The following FLACC1 variants were observed in gnomAD, a reference collection of about 807,000 sequenced individuals.
The protein encoded by FLACC1 is flagellum-associated coiled-coil domain-containing protein 1.
Under a neutral mutation model 62.8 loss-of-function variants are expected in FLACC1, and 66 were observed. The observed-to-expected ratio is 1.05, with a 90% CI of 0.86 to 1.29. The LOEUF is 1.29. Among genes scored for constraint, FLACC1 ranks in the 50% most tolerant of loss-of-function variants. The probability of loss-of-function intolerance (pLI) is 0.00; values close to 1 mark genes in which losing one functional copy is unlikely to be tolerated. For missense variants in FLACC1, 452 were observed against 489.1 expected (o/e 0.92, Z 0.71); for synonymous variants, 156 against 161.0 (o/e 0.97, Z 0.24).
intron 7 of FLACC1, among the ~76,000 whole-genome samples, chr2:201,338,921 G>T (rs1269690162): frequency 6.6e-6 from 1 of 152,128 alleles, no homozygotes; most frequent in African/African-American, 2.4e-5. Context: ...GGTAATGCTG[G>T]CCTCACAGAA....
intron 7 of FLACC1, among the ~76,000 whole-genome samples, chr2:201,335,583 A>G (rs1030856527): frequency 6.6e-6 from 1 of 151,912 alleles, no homozygotes; most frequent in African/African-American, 2.4e-5. Context: ...GGGTTACTAT[A>G]GCTTTGTAGT....
At position 201,346,793 on chromosome 2, in the gene FLACC1, A is replaced by G; in HGVS notation, c.235-118T>C. Reference sequence around the variant, plus strand: ...ACAGGGACCTGGGACTCCACAGCCCAAGCCCTTCTGGGCCCTTCACCCATT... The same window carrying G: ...ACAGGGACCTGGGACTCCACAGCCCGAGCCCTTCTGGGCCCTTCACCCATT... On this transcript the variant is annotated intron_variant, in intron 4 of 14. Transcript: ENST00000392257. This position sits in a 1 kb window ranked among gnomAD's most constrained non-coding sequence, Gnocchi z 4.0. 7.6e-7 allele frequency: 1 copy of G among 1,311,922 alleles called. No homozygotes were observed. Among genetic ancestry groups the G allele is most frequent in the Non-Finnish European group, 1.1e-6 (1 of 946,784 alleles). The allele number at this position is 1,311,922 out of a possible 1,614,324, so 81.3% of individuals were successfully genotyped here. A position where few individuals can be genotyped will look rare whatever the true frequency, so the allele number is the denominator to read the frequency against.
intron 9 of FLACC1, among the ~76,000 whole-genome samples, chr2:201,325,748 A>T (rs1228302101): frequency 1.3e-5 from 2 of 152,164 alleles, no homozygotes; most frequent in African/African-American, 2.4e-5. Context: ...CAGATGTTCA[A>T]TGAAGAATTG....
intron 9 of FLACC1, among the ~76,000 whole-genome samples, chr2:201,317,697 ACTC>A (rs1358165967): frequency 1.3e-5 from 2 of 152,108 alleles, no homozygotes; most frequent in Non-Finnish European, 2.9e-5. Context: ...TAGAAAAAAA[ACTC>A]CTTAAATCCA....
intron 9 of FLACC1, among the ~76,000 whole-genome samples, chr2:201,319,035 C>A (rs1335285206): frequency 1.4e-4 from 21 of 152,108 alleles, no homozygotes; most frequent in Admixed American, 1.4e-3. Context: ...TCTCACAAAT[C>A]ACCACTAAAG....
intron 12 of FLACC1, among the ~76,000 whole-genome samples, chr2:201,292,919 CAAAG>C (rs1292644794): frequency 5.3e-5 from 8 of 152,156 alleles, no homozygotes; most frequent in Admixed American, 3.9e-4. Flanking sequence ...TCAAAAGAGA[CAAAG>C]AAGGCCATTA....
intron 14 of FLACC1, 24 bp from the exon 15 acceptor site, chr2:201,288,805 A>G: frequency 2.5e-6 from 4 of 1,610,020 alleles, no homozygotes; most frequent in Non-Finnish European, 3.4e-6. Context: ...GGAAAGATGT[A>G]TCAATGTCAA....
At chr2:201,301,050 G>T (rs1436252149) in intron 11 of FLACC1, among the ~76,000 whole-genome samples, 1 of 152,200 alleles carries the variant, frequency 6.6e-6, no homozygotes, top group Non-Finnish European at 1.5e-5. Context: ...CTCCTCACCA[G>T]CAATGGAACA....
At chr2:201,314,414 T>C (rs1430133149) in intron 9 of FLACC1, among the ~76,000 whole-genome samples, 1 of 151,996 alleles carries the variant, frequency 6.6e-6, no homozygotes, top group Non-Finnish European at 1.5e-5. Flanking sequence ...GTCTCAGCAA[T>C]AGAATTGAGC....
In FLACC1 at chr2:201,346,269, C is replaced by T. The variant is rs982840191; in HGVS notation, c.368+273G>A. 6.6e-6 allele frequency among the ~76,000 whole-genome samples: 1 copy of T among 152,224 alleles called. No individual in the cohort carries two copies. The highest frequency in any genetic ancestry group is 2.4e-5 in the African/African-American group (1 of 41,464). On this transcript the variant is annotated intron_variant, in intron 5 of 14. Transcript: ENST00000392257. The surrounding 1 kb of genome is among the most constrained non-coding windows in gnomAD (Gnocchi z 4.0). ...GCTATTCTATCTATTCCTCACCCCA[C>T]GAACAATTGCTATCCTTTGGGATCA...
upstream of FLACC1, among the ~76,000 whole-genome samples, chr2:201,358,561 C>A (rs980146758): frequency 1.0e-4 from 15 of 150,740 alleles, no homozygotes; most frequent in Non-Finnish European, 3.0e-5. Flanking sequence ...GGACTACAGG[C>A]GCCCGCCACT....
At chr2:201,346,000 A>G (rs1950905763) in intron 5 of FLACC1, among the ~76,000 whole-genome samples, 1 of 152,174 alleles carries the variant, frequency 6.6e-6, no homozygotes, top group South Asian at 2.1e-4. Flanking sequence ...TCCCATCTCT[A>G]CTAAAGCTAT....
chr2:201,347,921 T>C (rs920978107), intron 4 of FLACC1, among the ~76,000 whole-genome samples: 1 of 152,218 alleles, frequency 6.6e-6, no homozygotes, highest in African/African-American at 2.4e-5. Context: ...GTTAGTTCCC[T>C]AGGTCAGCAG....
At chr2:201,353,624 G>C (rs140875789) in intron 1 of FLACC1, among the ~76,000 whole-genome samples, 9 of 151,982 alleles carry the variant, frequency 5.9e-5, no homozygotes, top group African/African-American at 1.9e-4. Context: ...GTCTCACTCT[G>C]TCACCCAGGC....
intron 9 of FLACC1, among the ~76,000 whole-genome samples, chr2:201,322,453 A>G (rs1270133225): frequency 6.6e-6 from 1 of 152,084 alleles, no homozygotes; most frequent in Non-Finnish European, 1.5e-5. Flanking sequence ...AAAACTCTCT[A>G]TAACCAAGGA....
At chr2:201,292,927 G>T (rs776566342) in intron 12 of FLACC1, among the ~76,000 whole-genome samples, 161 of 152,248 alleles carry the variant, frequency 1.1e-3, no homozygotes, top group Middle Eastern at 6.8e-3. Context: ...GACAAAGAAG[G>T]CCATTATATA....
chr2:201,313,610 T>A (rs1950256713), intron 9 of FLACC1, among the ~76,000 whole-genome samples: 1 of 152,128 alleles, frequency 6.6e-6, no homozygotes. Context: ...CCCAACCTGA[T>A]GGTCCTTTCC....
intron 7 of FLACC1, among the ~76,000 whole-genome samples, chr2:201,337,769 C>T (rs965382153): frequency 2.6e-5 from 4 of 152,172 alleles, no homozygotes; most frequent in Admixed American, 1.3e-4. Flanking sequence ...GCCATCCTCT[C>T]GCCTTGGCCT....
At position 201,330,796 on chromosome 2, in the gene FLACC1, A is replaced by G. The variant is rs767759275; in HGVS notation, c.562T>C (p.Leu188=). 3.0e-5 allele frequency: 49 copies of G among 1,613,338 alleles called. No homozygotes were observed. The highest frequency in any genetic ancestry group is 3.8e-5 in the Non-Finnish European group (45 of 1,179,916). ...KEAHEAELSE[L]ENNYKAALKA... is the part of the protein sequence containing the mutation. Reference sequence around the variant, plus strand: ...AAGGCTGCTTTGTAGTTGTTCTCCAACTCACTGAGTTCTGCTTCATGGGCC... The same window carrying G: ...AAGGCTGCTTTGTAGTTGTTCTCCAGCTCACTGAGTTCTGCTTCATGGGCC... The change falls in exon 8 of 15, where the codon TTG becomes CTG. Residue 188 remains leucine, a synonymous_variant. Transcript: ENST00000392257.
Sources: gnomAD v4.1 joint callset for allele counts (sites outside exome capture counted in the v4.1 genomes callset) on GRCh38, gnomAD v4.1.1 for gene constraint, Gnocchi (gnomAD v3.1) non-coding constraint, MANE v1.5 for transcripts, NCBI Gene and HGNC (gene_info 2026-07-23, HGNC 2026-07-21) for gene names.